CRBN: variants seen among roughly 807,000 people sequenced by gnomAD.
CRBN encodes the protein protein cereblon.
CRBN carries 53 observed loss-of-function variants against 62.2 expected under a neutral mutation model. The observed-to-expected ratio is 0.85, with a 90% confidence interval of 0.68 to 1.07. The LOEUF is 1.07. Ranked by LOEUF, CRBN falls within the 50% of genes least tolerant of loss-of-function variation. The pLI, the probability that CRBN is intolerant of heterozygous loss-of-function variation, is 0.00. For synonymous variants in CRBN, 208 were observed against 176.1 expected, an observed-to-expected ratio of 1.18 and a Z score of -1.43; for missense variants, 616 against 531.1, an observed-to-expected ratio of 1.16 and a Z score of -1.57.
chr3:3,165,422 G>A (rs711620), intron 5 of CRBN, among the ~76,000 whole-genome samples: 136,877 of 152,154 alleles, frequency 0.9, 63,312 homozygotes, highest in East Asian at 1. Context: ...GGCAAACTTC[G>A]TTGCTGTCTT....
At chr3:3,160,020 C>T (rs771142769) in intron 5 of CRBN, among the ~76,000 whole-genome samples, 1 of 152,118 alleles carries the variant, frequency 6.6e-6, no homozygotes. Flanking sequence ...TGACCAATGA[C>T]GGATTCTCCA....
In CRBN at chr3:3,172,989, G is replaced by A. The variant is rs1335022566; in HGVS notation, c.378-64C>T. ...TTGAGTTTTAAATATATGCAAAGTA[G>A]GCAAAGCAATAAATACAGGTAAACA... On this transcript the variant is annotated intron_variant, in intron 3 of 10. Transcript: ENST00000231948. The A allele has an allele frequency of 7.2e-6, 9 of 1,246,194 alleles. No individual in the cohort carries two copies. The Admixed American group carries it at 1.5e-4, about 21-fold the overall frequency. The allele number at this position is 1,246,194 out of a possible 1,614,324, so 77.2% of individuals were successfully genotyped here. A position where few individuals can be genotyped will look rare whatever the true frequency, so the allele number is the denominator to read the frequency against.
chr3:3,151,250 C>T (rs1469825423), intron 10 of CRBN, among the ~76,000 whole-genome samples: 4 of 152,188 alleles, frequency 2.6e-5, no homozygotes, highest in African/African-American at 9.7e-5. Flanking sequence ...CTTTTATGCT[C>T]TTAAGCCATG....
At chr3:3,167,099 G>A (rs1575094104) in intron 5 of CRBN, among the ~76,000 whole-genome samples, 1 of 151,988 alleles carries the variant, frequency 6.6e-6, no homozygotes, top group Admixed American at 6.6e-5. Flanking sequence ...TTATGATTTA[G>A]TCAAAGGATA....
At chr3:3,157,293 G>A (rs367651943) in intron 5 of CRBN, among the ~76,000 whole-genome samples, 1 of 152,084 alleles carries the variant, frequency 6.6e-6, no homozygotes, top group Non-Finnish European at 1.5e-5. Flanking sequence ...CAAAGAACAA[G>A]GTATAGCAGA....
At chr3:3,156,084 G>A in intron 6 of CRBN, 135 bp downstream of exon 6, 1 of 782,806 alleles carries the variant, frequency 1.3e-6, no homozygotes, top group South Asian at 1.6e-5. Flanking sequence ...GATTACAGGT[G>A]TGAGCCACCA....
At chr3:3,179,561 C>A (rs537652453) in intron 1 of CRBN, 60 bp downstream of exon 1, 4 of 1,549,998 alleles carry the variant, frequency 2.6e-6, no homozygotes, top group Non-Finnish European at 2.7e-6. Context: ...CCAGCTGCAC[C>A]GCTAGCGGCT....
At position 3,174,058 on chromosome 3, in the gene CRBN, C is replaced by T. The variant is rs1707731713; in HGVS notation, c.377+1G>A. ...TAAGCAAATGGACTCTAATATTTTA[C>T]CTGTATGCAAGAACAGCAAAGGTTC... On this transcript the variant is annotated splice_donor_variant, in intron 3 of 10. Coordinates refer to ENST00000231948, the MANE Select transcript of CRBN (RefSeq NM_016302.4). LOFTEE classifies it high-confidence loss of function. 1 of 1,612,374 alleles carries T rather than the reference C, an allele frequency of 6.2e-7. No individual in the cohort carries two copies. Among genetic ancestry groups the T allele is most frequent in the African/African-American group, 1.3e-5 (1 of 74,866 alleles).
intron 2 of CRBN, 78 bp from the exon 3 acceptor site, chr3:3,174,339 A>G: frequency 8.6e-7 from 1 of 1,163,944 alleles, no homozygotes; most frequent in South Asian, 1.3e-5. Flanking sequence ...TAAAGAGCAA[A>G]TCACATTAAA....
intron 4 of CRBN, among the ~76,000 whole-genome samples, chr3:3,170,270 C>G (rs1369260575): frequency 6.6e-6 from 1 of 152,130 alleles, no homozygotes; most frequent in Non-Finnish European, 1.5e-5. Context: ...TATGAGTCAC[C>G]ACACCTGGCC....
In CRBN at chr3:3,175,277, A is replaced by T. The variant is rs1707786294; in HGVS notation, c.68-8T>A. 2 of 1,568,546 alleles carry T rather than the reference A, an allele frequency of 1.3e-6. No individual in the cohort carries two copies. Among genetic ancestry groups the T allele is most frequent in the Non-Finnish European group, 1.8e-6 (2 of 1,139,858 alleles). On this transcript the variant is annotated splice_region_variant and splice_polypyrimidine_tract_variant and intron_variant, in intron 1 of 10. Transcript: ENST00000231948. ...CTTCTTCCTCACTCTCTGCTATAAA[A>T]GTAGAATATTGTAAGAAAAAAAAAA...
intron 5 of CRBN, among the ~76,000 whole-genome samples, chr3:3,167,158 A>T (rs780748460): frequency 1.3e-5 from 2 of 152,152 alleles, no homozygotes; most frequent in Non-Finnish European, 2.9e-5. Flanking sequence ...AAGAGCACCT[A>T]GTCTCAAGTC....
chr3:3,163,587 T>C (rs1707219958), intron 5 of CRBN, among the ~76,000 whole-genome samples: 1 of 152,190 alleles, frequency 6.6e-6, no homozygotes, highest in Non-Finnish European at 1.5e-5. Flanking sequence ...CAAGTTCAGG[T>C]TTAAGACTGC....
intron 5 of CRBN, among the ~76,000 whole-genome samples, chr3:3,158,670 A>G (rs1214715838): frequency 6.6e-6 from 1 of 152,230 alleles, no homozygotes; most frequent in African/African-American, 2.4e-5. Context: ...CTCTAAGGTT[A>G]GTAGTTTATT....
intron 5 of CRBN, among the ~76,000 whole-genome samples, chr3:3,159,814 T>C (rs1215334430): frequency 2.0e-5 from 3 of 152,158 alleles, no homozygotes; most frequent in Non-Finnish European, 4.4e-5. Flanking sequence ...CATTTCAACA[T>C]CCTCAAATTT....
At chr3:3,163,569 G>T (rs1707219216) in intron 5 of CRBN, among the ~76,000 whole-genome samples, 1 of 152,196 alleles carries the variant, frequency 6.6e-6, no homozygotes, top group Non-Finnish European at 1.5e-5. Flanking sequence ...AGTCTTACTT[G>T]CTTAGCCCAA....
At chr3:3,179,120 G>C (rs914359984) in intron 1 of CRBN, among the ~76,000 whole-genome samples, 11 of 152,134 alleles carry the variant, frequency 7.2e-5, no homozygotes, top group Non-Finnish European at 1.3e-4. Context: ...GAACTAATCT[G>C]CAAATCCAAT....
At chr3:3,176,712 G>C (rs2126070442) in intron 1 of CRBN, among the ~76,000 whole-genome samples, 1 of 152,288 alleles carries the variant, frequency 6.6e-6, no homozygotes, top group South Asian at 2.1e-4. Context: ...CTCCAGCCTG[G>C]GCGACAGAGC....
Position 3,163,059 on chromosome 3 carries a change from T to C in CRBN, c.687+4575A>G, listed in dbSNP as rs952082989. 3.9e-5 allele frequency among the ~76,000 whole-genome samples: 6 copies of C among 152,192 alleles called. 1 individual carries two copies. The highest frequency in any genetic ancestry group is 3.3e-4 in the Admixed American group (5 of 15,278). On this transcript the variant is annotated intron_variant, in intron 5 of 10. Transcript: ENST00000231948. ...TCCCCTTTCCCTGTTGGATTCCTTTTTGATGCACACAGAATGGCTCTAAGT... is the reference window on the plus strand; with the variant it reads ...TCCCCTTTCCCTGTTGGATTCCTTTCTGATGCACACAGAATGGCTCTAAGT...
Sources: gnomAD v4.1 joint callset for allele counts (sites outside exome capture counted in the v4.1 genomes callset) on GRCh38, gnomAD v4.1.1 for gene constraint, MANE v1.5 for transcripts, NCBI Gene and HGNC (gene_info 2026-07-23, HGNC 2026-07-21) for gene names.